Variants in NFAM1 observed in about 807,000 individuals in gnomAD.
The protein encoded by NFAM1 is NFAT activating protein with ITAM motif 1, also known as NFAT activation molecule 1.
A neutral mutation model predicts 29.0 loss-of-function variants in NFAM1; 17 were observed. The ratio of observed to expected loss-of-function variants is 0.59; its 90% CI spans 0.40 to 0.88. The LOEUF is 0.88. NFAM1 is among the 40% of genes least tolerant of loss of function. The pLI, the probability that NFAM1 is intolerant of heterozygous loss-of-function variation, is 0.00. For synonymous variants in NFAM1, 175 were observed against 147.2 expected (o/e 1.19, Z -1.36); for missense variants, 324 against 344.6 (o/e 0.94, Z 0.47).
Position 42,380,694 on chromosome 22 carries a change from G to A in NFAM1, c.*4467C>T, listed in dbSNP as rs1928914624. 2 of 152,570 alleles carry A rather than the reference G, an allele frequency of 1.3e-5. No individual in the cohort carries two copies. Among genetic ancestry groups the A allele is most frequent in the Non-Finnish European group, 2.9e-5 (2 of 68,054 alleles). 9.5% of individuals were successfully genotyped at this position (152,570 alleles called of 1,614,324 possible). A position where few individuals can be genotyped will look rare whatever the true frequency, so the allele number is the denominator to read the frequency against. On this transcript the variant is annotated 3_prime_UTR_variant, in exon 6 of 6. Coordinates refer to ENST00000329021, the MANE Select transcript of NFAM1 (RefSeq NM_145912.8). ...ACGGCCCACCTCTCCTGCATAAGCT[G>A]TCTGCCAAGAAAACTATTGAACTAC...
chr22:42,397,812 C>T, intron 4 of NFAM1, 46 bp downstream of exon 4: 1 of 1,059,226 alleles, frequency 9.4e-7, no homozygotes, highest in Non-Finnish European at 1.5e-6. Flanking sequence ...CAGACTCTGC[C>T]TAAGGCCTGA....
chr22:42,430,403 T>C (rs1445307717), intron 1 of NFAM1, among the ~76,000 whole-genome samples: 2 of 151,998 alleles, frequency 1.3e-5, no homozygotes, highest in East Asian at 3.9e-4. Context: ...CTACTAAAAA[T>C]ACAAAAATTA....
At chr22:42,437,090 C>T (rs996809028), upstream of NFAM1, 12 of 534,740 alleles carry the variant, frequency 2.2e-5, no homozygotes, top group East Asian at 1.0e-3. Flanking sequence ...AAGGAATCTT[C>T]AAGATCTGGA....
chr22:42,401,058 G>A (rs577956531), intron 3 of NFAM1, among the ~76,000 whole-genome samples: 4 of 152,302 alleles, frequency 2.6e-5, no homozygotes, highest in East Asian at 1.9e-4. Flanking sequence ...CAAGACCCAC[G>A]CCTGGCCTCG....
At chr22:42,435,494 T>C (rs555923679), upstream of NFAM1, among the ~76,000 whole-genome samples, 24 of 151,382 alleles carry the variant, frequency 1.6e-4, no homozygotes, top group African/African-American at 5.3e-4. Flanking sequence ...ATTACAGGCA[T>C]GTGCCACCAC....
At chr22:42,399,395 C>T (rs1294203935) in intron 3 of NFAM1, among the ~76,000 whole-genome samples, 1 of 145,274 alleles carries the variant, frequency 6.9e-6, no homozygotes, top group East Asian at 2.0e-4. Flanking sequence ...TGCAGTAAAT[C>T]GAGATCACAC....
upstream of NFAM1, among the ~76,000 whole-genome samples, chr22:42,436,128 G>C (rs1462789883): frequency 6.6e-6 from 1 of 152,248 alleles, no homozygotes; most frequent in Non-Finnish European, 1.5e-5. Flanking sequence ...CCTCAATCCA[G>C]GATTTTCAAA....
intron 3 of NFAM1, among the ~76,000 whole-genome samples, chr22:42,404,515 T>C (rs1320708461): frequency 6.6e-6 from 1 of 151,636 alleles, no homozygotes; most frequent in Non-Finnish European, 1.5e-5. Flanking sequence ...TCTCTTTCCC[T>C]TCCAGCCCAG....
rs140146692 is a variant in NFAM1, at chr22:42,408,646, C to T, written c.564+789G>A. Among the ~76,000 whole-genome samples the T allele has an allele frequency of 9.8e-5, 15 of 152,380 alleles. No individual in the cohort carries two copies. In the East Asian group the frequency reaches 2.9e-3, roughly 29 times the overall value. The stretch of plus-strand genomic sequence containing the variant: ...CTGGGCAAGGAGCCCCTGAACAAGA[C>T]TGCCTCGGCCTCTGGCCTCCTGGCA... On this transcript the variant is annotated intron_variant, in intron 3 of 5. Coordinates refer to ENST00000329021, the MANE Select transcript of NFAM1 (RefSeq NM_145912.8).
At chr22:42,428,275 C>T (rs1270655954) in intron 1 of NFAM1, among the ~76,000 whole-genome samples, 1 of 152,166 alleles carries the variant, frequency 6.6e-6, no homozygotes, top group Non-Finnish European at 1.5e-5. Context: ...CTTTCCAGCA[C>T]TCCCCTGCCT....
chr22:42,399,375 G>A (rs1443700417), intron 3 of NFAM1, among the ~76,000 whole-genome samples: 1 of 150,960 alleles, frequency 6.6e-6, no homozygotes, highest in African/African-American at 2.4e-5. Flanking sequence ...TGAACCCAGG[G>A]GGCGGAGGTT....
At chr22:42,404,276 C>T (rs888865012) in intron 3 of NFAM1, among the ~76,000 whole-genome samples, 2 of 152,192 alleles carry the variant, frequency 1.3e-5, no homozygotes, top group South Asian at 2.1e-4. Context: ...AGCTGCCAAC[C>T]GCGGTTCGGG....
intron 1 of NFAM1, among the ~76,000 whole-genome samples, chr22:42,430,080 CTG>C (rs984037101): frequency 1.4e-5 from 2 of 147,628 alleles, no homozygotes; most frequent in East Asian, 2.0e-4. Flanking sequence ...CTGGGCAACA[CTG>C]TGAGTCTCTA....
chr22:42,412,741 T>A (rs1168737529), intron 1 of NFAM1, among the ~76,000 whole-genome samples: 1 of 151,776 alleles, frequency 6.6e-6, no homozygotes, highest in Admixed American at 6.6e-5. Flanking sequence ...GACACAAACC[T>A]CTCCCGGACT....
intron 3 of NFAM1, among the ~76,000 whole-genome samples, chr22:42,399,337 C>CT (rs2147098818): frequency 6.6e-6 from 1 of 151,674 alleles, no homozygotes; most frequent in East Asian, 1.9e-4. Flanking sequence ...ATCCCAGCTA[C>CT]TCGGGAGGGT....
chr22:42,432,140 A>G, intron 1 of NFAM1, 97 bp downstream of exon 1: 1 of 1,086,362 alleles, frequency 9.2e-7, no homozygotes. Context: ...AAATCCCCAG[A>G]GACAGGTCCC....
intron 3 of NFAM1, among the ~76,000 whole-genome samples, chr22:42,406,538 G>A (rs1437705265): frequency 2.6e-5 from 4 of 152,078 alleles, no homozygotes; most frequent in Admixed American, 6.6e-5. Context: ...CCCCATGCCC[G>A]CTTCTGCCTC....
At chr22:42,405,158 C>T (rs1351175694) in intron 3 of NFAM1, among the ~76,000 whole-genome samples, 2 of 152,192 alleles carry the variant, frequency 1.3e-5, no homozygotes, top group Non-Finnish European at 2.9e-5. Flanking sequence ...GCTTTGTCCC[C>T]TCCTTTACTA....
chr22:42,424,493 C>A (rs1439179552), intron 1 of NFAM1, among the ~76,000 whole-genome samples: 1 of 152,174 alleles, frequency 6.6e-6, no homozygotes, highest in Admixed American at 6.6e-5. Flanking sequence ...AACAAAATCT[C>A]AAGAAGCAAG....
Sources: gnomAD v4.1 joint callset for allele counts (sites outside exome capture counted in the v4.1 genomes callset) on GRCh38, gnomAD v4.1.1 for gene constraint, MANE v1.5 for transcripts, NCBI Gene and HGNC (gene_info 2026-07-23, HGNC 2026-07-21) for gene names.